Variants in AKAP12 observed in about 807,000 individuals in gnomAD.
The protein encoded by AKAP12 is A-kinase anchoring protein 12.
A neutral mutation model predicts 79.9 loss-of-function variants in AKAP12; 32 were observed. The ratio of observed to expected loss-of-function variants is 0.40; its 90% CI spans 0.30 to 0.54. The LOEUF is 0.54. AKAP12 is among the 20% of genes least tolerant of loss of function. The pLI is 0.48. For synonymous variants in AKAP12, 808 were observed against 857.0 expected (o/e 0.94, Z 1.00); for missense variants, 2,074 against 2,177.0 (o/e 0.95, Z 0.94).
In AKAP12 at chr6:151,240,537, A is replaced by G. The variant is rs1369478123; in HGVS notation, c.-26A>G. The G allele has an allele frequency of 6.3e-6, 9 of 1,418,268 alleles. No homozygotes were observed. The East Asian group carries it at 2.1e-4, about 34-fold the overall frequency. 87.9% of individuals were successfully genotyped at this position (1,418,268 alleles called of 1,614,324 possible). A position where few individuals can be genotyped will look rare whatever the true frequency, so the allele number is the denominator to read the frequency against. On this transcript the variant is annotated 5_prime_UTR_variant, in exon 2 of 5. Transcript: ENST00000402676. Reference sequence around the variant, plus strand: ...TTGGGGAAGGCGTAACCCGGCGGCTAGGCGCGGGAGAAGTGCGGAGGAGCC... The same window carrying G: ...TTGGGGAAGGCGTAACCCGGCGGCTGGGCGCGGGAGAAGTGCGGAGGAGCC...
At chr6:151,323,867 A>G in intron 3 of AKAP12, 1 of 985,396 alleles carries the variant, frequency 1.0e-6, no homozygotes, top group Non-Finnish European at 1.2e-6. Context: ...GTCCCCAACC[A>G]CTGGTGCTGA....
chr6:151,348,472 C>T, intron 3 of AKAP12: 2 of 580,886 alleles, frequency 3.4e-6, no homozygotes, highest in Non-Finnish European at 6.3e-6. Flanking sequence ...GATCTCATCT[C>T]TACAGAAAAT....
Position 151,351,297 on chromosome 6 carries a change from C to T in AKAP12, c.2906C>T (p.Ala969Val), listed in dbSNP as rs142292034. The T allele has an allele frequency of 4.3e-5, 70 of 1,614,174 alleles. No individual in the cohort carries two copies. The highest frequency in any genetic ancestry group is 4.0e-4 in the African/African-American group (30 of 75,034). The change falls in exon 4 of 5, where the codon GCG becomes GTG. Residue 969 changes from alanine to valine, a missense_variant. This residue lies in a region of AKAP12 where 1,428 missense variants were observed against 1,451.0 expected (regional missense o/e 0.98). Coordinates refer to ENST00000402676, the MANE Select transcript of AKAP12 (RefSeq NM_005100.4). The surrounding 1 kb of genome is among the most constrained non-coding windows in gnomAD (Gnocchi z 4.4). ...EARGDTVVSE[A>V]ELTPEAVTAA... is the part of the protein sequence containing the mutation. ...CGGGGCGACACGGTCGTTAGTGAGG[C>T]GGAATTGACCCCCGAAGCTGTGACA...
chr6:151,325,136 G>T (rs1777490886), intron 3 of AKAP12: 1 of 985,302 alleles, frequency 1.0e-6, no homozygotes, highest in South Asian at 4.7e-5. Context: ...CAGCACTACT[G>T]AGAGTTGCCA....
chr6:151,282,550 C>G (rs1481733916), intron 2 of AKAP12, among the ~76,000 whole-genome samples: 1 of 152,100 alleles, frequency 6.6e-6, no homozygotes, highest in African/African-American at 2.4e-5. Context: ...TCTGAGAATT[C>G]CAAATCTTGG....
intron 2 of AKAP12, among the ~76,000 whole-genome samples, chr6:151,288,540 C>A (rs967561599): frequency 1.3e-5 from 2 of 151,958 alleles, no homozygotes; most frequent in African/African-American, 4.8e-5. Context: ...AAAAGAGTCA[C>A]GAGCACATTG....
chr6:151,356,590 A>C lies in AKAP12; in HGVS notation c.*876A>C, dbSNP rs539531827. ...GTTGTAAGTTTTTGATTCTACTCTT[A>C]TATGCTGGACTGCATTCACACATGG... On this transcript the variant is annotated 3_prime_UTR_variant, in exon 5 of 5. Transcript: ENST00000402676. The C allele has an allele frequency of 6.6e-6, 1 of 152,338 alleles. No individual in the cohort carries two copies. Among genetic ancestry groups the C allele is most frequent in the African/African-American group, 2.4e-5 (1 of 41,572 alleles). The allele number at this position is 152,338 out of a possible 1,614,324, so 9.4% of individuals were successfully genotyped here.
At position 151,276,375 on chromosome 6, in the gene AKAP12, A is replaced by T. The variant is rs538691491; in HGVS notation, c.163-29372A>T. On this transcript the variant is annotated intron_variant, in intron 2 of 4. Transcript: ENST00000402676. ...GCAAATTTAGATTCCTTCCTCCAGG[A>T]ATTTGCTTCATGTTTGAAAGTGATT... Among the ~76,000 whole-genome samples, 4 of 152,362 alleles carry T rather than the reference A, an allele frequency of 2.6e-5. No homozygotes were observed. In the South Asian group the frequency reaches 8.3e-4, roughly 32 times the overall value.
chr6:151,275,040 G>A (rs9397382), intron 2 of AKAP12, among the ~76,000 whole-genome samples: 76,550 of 151,800 alleles, frequency 0.5, 19,393 homozygotes, highest in Admixed American at 0.56. Flanking sequence ...GGAGGTCGAG[G>A]CTGCAGTGAG....
intron 3 of AKAP12, among the ~76,000 whole-genome samples, chr6:151,334,942 G>T (rs752180641): frequency 6.6e-6 from 1 of 152,090 alleles, no homozygotes; most frequent in Non-Finnish European, 1.5e-5. Context: ...TTGTATTGGC[G>T]ATTTTCAGTG....
chr6:151,326,005 G>A (rs1408976409), intron 3 of AKAP12: 4 of 1,356,706 alleles, frequency 2.9e-6, no homozygotes, highest in Non-Finnish European at 4.2e-6. Context: ...TGGCGGGACC[G>A]TTATTGGCAT....
At chr6:151,333,911 T>G (rs903593263) in intron 3 of AKAP12, among the ~76,000 whole-genome samples, 2 of 150,022 alleles carry the variant, frequency 1.3e-5, no homozygotes, top group African/African-American at 2.5e-5. Flanking sequence ...GAAGAGGAGG[T>G]GAGGAGGGGG....
chr6:151,314,930 T>C (rs754251745), intron 3 of AKAP12, among the ~76,000 whole-genome samples: 18 of 151,960 alleles, frequency 1.2e-4, no homozygotes, highest in Admixed American at 2.6e-4. Flanking sequence ...CATGCAGCTG[T>C]AGTCCCAGCT....
At chr6:151,261,732 A>G (rs866022787) in intron 2 of AKAP12, among the ~76,000 whole-genome samples, 2 of 129,970 alleles carry the variant, frequency 1.5e-5, no homozygotes, top group East Asian at 5.7e-4. Context: ...GGTTTTTATT[A>G]TTTTATTTAT....
intron 3 of AKAP12, among the ~76,000 whole-genome samples, chr6:151,315,691 A>G (rs1225502513): frequency 6.6e-6 from 1 of 152,202 alleles, no homozygotes; most frequent in Non-Finnish European, 1.5e-5. Context: ...TCCCTGTATT[A>G]TAGTGTATTG....
At chr6:151,348,685 A>AAC in intron 3 of AKAP12, 26 bp from the exon 4 acceptor site, 5 of 164,742 alleles carry the variant, frequency 3.0e-5, no homozygotes, top group African/African-American at 6.5e-5. Context: ...TCTTCTCCCC[A>AAC]CCCCCCCGCC....
chr6:151,341,021 C>T (rs981795526), intron 3 of AKAP12, among the ~76,000 whole-genome samples: 2 of 151,436 alleles, frequency 1.3e-5, no homozygotes, highest in African/African-American at 2.4e-5. Context: ...TCTCCATTGT[C>T]GAGGTCCTTT....
intron 2 of AKAP12, among the ~76,000 whole-genome samples, chr6:151,246,624 A>G (rs1291873503): frequency 6.6e-6 from 1 of 152,160 alleles, no homozygotes; most frequent in Non-Finnish European, 1.5e-5. Flanking sequence ...TTAACTGTGA[A>G]GTTGAATGCC....
chr6:151,305,169 G>GT (rs869087478), intron 2 of AKAP12, among the ~76,000 whole-genome samples: 22,287 of 136,888 alleles, frequency 0.16, 2,003 homozygotes, highest in East Asian at 0.3. Context: ...AGTCAGGGCT[G>GT]TTTTTTTTTT....
Sources: allele counts gnomAD v4.1 joint callset (sites outside exome capture counted in the v4.1 genomes callset), GRCh38; gene constraint gnomAD v4.1.1; regional missense constraint gnomAD v4.1.1; non-coding constraint Gnocchi (gnomAD v3.1); transcripts MANE v1.5; gene names NCBI Gene and HGNC (gene_info 2026-07-23, HGNC 2026-07-21).